The following MCOLN2 variants were observed in gnomAD, a reference collection of about 807,000 sequenced individuals.
MCOLN2 encodes mucolipin-2.
A neutral mutation model predicts 67.5 loss-of-function variants in MCOLN2; 57 were observed. The observed-to-expected ratio is 0.84, with a 90% CI of 0.68 to 1.05. The LOEUF (loss-of-function observed/expected upper bound fraction) is 1.05, where lower values mean the gene tolerates loss of function less well. Ranked by LOEUF, MCOLN2 falls within the 50% of genes least tolerant of loss-of-function variation. MCOLN2 has a pLI of 0.00. For missense variants in MCOLN2, 620 were observed against 678.8 expected, an observed-to-expected ratio of 0.91 and a Z score of 0.96; for synonymous variants, 246 against 233.3, an observed-to-expected ratio of 1.05 and a Z score of -0.50.
In MCOLN2 at chr1:84,952,529, A is replaced by G. The variant is rs775913403; in HGVS notation, c.567T>C (p.Asp189=). Residue 189 remains aspartate (D), a splice_region_variant and synonymous_variant, in exon 5 of 14, where the codon GAT becomes GAC. Coordinates refer to ENST00000370608, the MANE Select transcript of MCOLN2 (RefSeq NM_153259.4). ...GGTCCTGAAGGTCTAATTGAACACA[A>G]TCTAGGGCAATGAAAGAACAAGAAA... ...TLNIDNDVEL[D]CVQLDLQDLS... 2 of 1,599,374 alleles carry G rather than the reference A, an allele frequency of 1.3e-6. No homozygotes were observed. The highest frequency in any genetic ancestry group is 1.7e-6 in the Non-Finnish European group (2 of 1,166,710).
chr1:84,957,821 C>T (rs1557647173), intron 3 of MCOLN2, among the ~76,000 whole-genome samples: 1 of 152,122 alleles, frequency 6.6e-6, no homozygotes, highest in African/African-American at 2.4e-5. Flanking sequence ...TAAAGGAAGG[C>T]GCTTTGTCTG....
chr1:84,934,339 T>A (rs887699197), intron 11 of MCOLN2, among the ~76,000 whole-genome samples: 1 of 151,768 alleles, frequency 6.6e-6, no homozygotes, highest in Admixed American at 6.6e-5. Context: ...CCCCATAGGT[T>A]CTCTGGGCCC....
At chr1:84,963,396 G>A (rs981063768) in intron 2 of MCOLN2, among the ~76,000 whole-genome samples, 2 of 152,212 alleles carry the variant, frequency 1.3e-5, no homozygotes, top group African/African-American at 2.4e-5. Flanking sequence ...CTGTGCTAGA[G>A]AGAAGATAGT....
chr1:84,931,622 G>T, intron 11 of MCOLN2, 54 bp from the exon 12 acceptor site: 2 of 1,426,554 alleles, frequency 1.4e-6, no homozygotes, highest in Admixed American at 1.7e-5. Context: ...AAAAAGCAGA[G>T]GATATCTAGT....
intron 1 of MCOLN2, among the ~76,000 whole-genome samples, chr1:84,983,008 G>A (rs1650335219): frequency 6.6e-6 from 1 of 151,930 alleles, no homozygotes; most frequent in African/African-American, 2.4e-5. Flanking sequence ...GTGAGCCACT[G>A]AGTCCGGAAG....
At chr1:84,933,749 A>C (rs917538729) in intron 11 of MCOLN2, among the ~76,000 whole-genome samples, 1 of 152,198 alleles carries the variant, frequency 6.6e-6, no homozygotes, top group Non-Finnish European at 1.5e-5. Flanking sequence ...TCAACTGCAA[A>C]TAGCTAGTTT....
In MCOLN2 at chr1:84,926,377, C is replaced by T. The variant is rs1314984630; in HGVS notation, c.*308G>A. ...CATGGTTAAAGACTATTATTTCGCA[C>T]ACTCTGAAATGATCTTTTTCCATTC... On this transcript the variant is annotated 3_prime_UTR_variant, in exon 14 of 14. Coordinates refer to ENST00000370608, the MANE Select transcript of MCOLN2 (RefSeq NM_153259.4). 2.3e-5 allele frequency: 6 copies of T among 261,392 alleles called. No individual in the cohort carries two copies. Among genetic ancestry groups the T allele is most frequent in the African/African-American group, 8.8e-5 (4 of 45,308 alleles). 16.2% of individuals were successfully genotyped at this position (261,392 alleles called of 1,614,324 possible).
chr1:84,943,787 C>T (rs1406304016), intron 7 of MCOLN2, among the ~76,000 whole-genome samples: 1 of 152,180 alleles, frequency 6.6e-6, no homozygotes, highest in Non-Finnish European at 1.5e-5. Flanking sequence ...CTGAGGCTGC[C>T]ATGAGAATCA....
chr1:84,931,646 T>A, intron 11 of MCOLN2, 78 bp from the exon 12 acceptor site: 1 of 1,226,776 alleles, frequency 8.2e-7, no homozygotes, highest in Non-Finnish European at 1.2e-6. Context: ...CTTGTTTTGT[T>A]AACATTGTTT....
intron 1 of MCOLN2, among the ~76,000 whole-genome samples, chr1:84,987,490 A>C (rs1468405311): frequency 2.8e-4 from 3 of 10,546 alleles, no homozygotes; most frequent in South Asian, 0.01. Flanking sequence ...ACATATATAC[A>C]TATGTATACA....
intron 6 of MCOLN2, among the ~76,000 whole-genome samples, chr1:84,948,743 G>A (rs1648247421): frequency 6.6e-6 from 1 of 152,162 alleles, no homozygotes; most frequent in Admixed American, 6.5e-5. Flanking sequence ...GCATAAAAAA[G>A]AACCAAACAA....
chr1:84,965,465 G>C, intron 2 of MCOLN2, 84 bp downstream of exon 2: 1 of 1,444,614 alleles, frequency 6.9e-7, no homozygotes, highest in African/African-American at 1.4e-5. Flanking sequence ...GGGCTTTTCA[G>C]AACAAAAGTC....
chr1:84,952,743 A>G (rs2102836747), intron 4 of MCOLN2, among the ~76,000 whole-genome samples: 1 of 152,362 alleles, frequency 6.6e-6, no homozygotes, highest in South Asian at 2.1e-4. Context: ...GTGATCAGTT[A>G]CATCACAGTA....
intron 1 of MCOLN2, among the ~76,000 whole-genome samples, chr1:84,993,863 C>G (rs1021657650): frequency 1.3e-5 from 2 of 151,866 alleles, no homozygotes; most frequent in African/African-American, 4.8e-5. Flanking sequence ...ATCTCCTGAC[C>G]TCATGATCCA....
At chr1:84,976,697 T>C (rs650529) in intron 1 of MCOLN2, among the ~76,000 whole-genome samples, 74,677 of 151,798 alleles carry the variant, frequency 0.49, 18,590 homozygotes, top group East Asian at 0.64. Context: ...ACTCAGGAGG[T>C]GGAGGTTGCA....
Position 84,933,649 on chromosome 1 carries a change from C to T in MCOLN2, c.1336-2081G>A, listed in dbSNP as rs662706. On this transcript the variant is annotated intron_variant, in intron 11 of 13. Coordinates refer to ENST00000370608, the MANE Select transcript of MCOLN2 (RefSeq NM_153259.4). The stretch of plus-strand genomic sequence containing the variant: ...CTCTGACAGCACCATTAATAATTCA[C>T]ATTTCTTAGTTTCTTTTGGAATCCA... Among the ~76,000 whole-genome samples, 657 of 152,332 alleles carry T rather than the reference C, an allele frequency of 4.3e-3. 10 individuals carry two copies. The highest frequency in any genetic ancestry group is 0.015 in the African/African-American group (626 of 41,566).
intron 1 of MCOLN2, 120 bp downstream of exon 1, chr1:84,996,676 G>C: frequency 1.2e-6 from 1 of 814,464 alleles, no homozygotes; most frequent in Non-Finnish European, 2.0e-6. Context: ...CTAACTGCAA[G>C]CAGTTAATAT....
intron 1 of MCOLN2, among the ~76,000 whole-genome samples, chr1:84,992,198 C>G (rs1415122592): frequency 6.6e-6 from 1 of 152,114 alleles, no homozygotes; most frequent in Non-Finnish European, 1.5e-5. Context: ...TAGAATTACA[C>G]CAAAGACTAT....
At chr1:84,950,115 A>C (rs650357) in intron 6 of MCOLN2, among the ~76,000 whole-genome samples, 1 of 152,082 alleles carries the variant, frequency 6.6e-6, no homozygotes, top group Non-Finnish European at 1.5e-5. Flanking sequence ...AACAAACACA[A>C]GTACAATTAG....
Sources: allele counts gnomAD v4.1 joint callset (sites outside exome capture counted in the v4.1 genomes callset), GRCh38; gene constraint gnomAD v4.1.1; transcripts MANE v1.5; gene names NCBI Gene and HGNC (gene_info 2026-07-23, HGNC 2026-07-21).